The following CADPS2 variants were observed in gnomAD, a reference collection of about 807,000 sequenced individuals.
The protein encoded by CADPS2 is calcium dependent secretion activator 2.
In CADPS2, 93 loss-of-function variants were observed where a neutral mutation model predicts 172.5. The observed-to-expected ratio is 0.54, with a 90% confidence interval of 0.46 to 0.64. The LOEUF (loss-of-function observed/expected upper bound fraction) is 0.64. Ranked by LOEUF, CADPS2 falls within the 30% of genes least tolerant of loss-of-function variation. The probability of loss-of-function intolerance (pLI) is 0.00; values close to 1 mark genes in which losing one functional copy is unlikely to be tolerated. For missense variants in CADPS2, 1,420 were observed against 1,565.9 expected, an observed-to-expected ratio of 0.91 and a Z score of 1.57; for synonymous variants, 546 against 555.2, an observed-to-expected ratio of 0.98 and a Z score of 0.23.
chr7:122,704,744 G>T (rs1211813384), intron 2 of CADPS2, among the ~76,000 whole-genome samples: 2 of 151,946 alleles, frequency 1.3e-5, no homozygotes, highest in Non-Finnish European at 2.9e-5. Flanking sequence ...AGACCTATAA[G>T]AAACAATCAT....
chr7:122,804,485 A>C (rs1175438075), intron 1 of CADPS2, among the ~76,000 whole-genome samples: 1 of 152,248 alleles, frequency 6.6e-6, no homozygotes, highest in Non-Finnish European at 1.5e-5. Context: ...GTTTGGTTTA[A>C]AGACAGAAGA....
At chr7:122,679,950 C>G (rs1198539843) in intron 2 of CADPS2, among the ~76,000 whole-genome samples, 2 of 152,200 alleles carry the variant, frequency 1.3e-5, no homozygotes, top group Admixed American at 1.3e-4. Flanking sequence ...ATCATCTTTG[C>G]TTCCAAGTTA....
At chr7:122,335,099 T>C (rs2035635754) in intron 28 of CADPS2, among the ~76,000 whole-genome samples, 1 of 152,222 alleles carries the variant, frequency 6.6e-6, no homozygotes, top group South Asian at 2.1e-4. Context: ...AATCTCAACA[T>C]TTCCCACCAT....
chr7:122,583,660 G>A (rs896875661), intron 6 of CADPS2, among the ~76,000 whole-genome samples: 2 of 150,494 alleles, frequency 1.3e-5, no homozygotes, highest in Non-Finnish European at 3.0e-5. Flanking sequence ...TATATATGAA[G>A]GAGATATTGT....
intron 8 of CADPS2, among the ~76,000 whole-genome samples, chr7:122,532,814 AT>A (rs1245709558): frequency 6.6e-6 from 1 of 152,208 alleles, no homozygotes; most frequent in Non-Finnish European, 1.5e-5. Context: ...TTTAATGGAA[AT>A]AAACCAAAAT....
At chr7:122,412,859 G>T (rs1431790111) in intron 19 of CADPS2, 2 of 152,230 alleles carry the variant, frequency 1.3e-5, no homozygotes, top group African/African-American at 4.8e-5. Context: ...GAGAATGACA[G>T]AATGGAAAGG....
intron 8 of CADPS2, among the ~76,000 whole-genome samples, chr7:122,531,886 C>G (rs1563615150): frequency 6.6e-6 from 1 of 151,982 alleles, no homozygotes; most frequent in Non-Finnish European, 1.5e-5. Context: ...CAAAAATTAG[C>G]TGGGTGTGGT....
chr7:122,381,540 A>G (rs2151378102), intron 24 of CADPS2, among the ~76,000 whole-genome samples: 1 of 152,284 alleles, frequency 6.6e-6, no homozygotes, highest in Admixed American at 6.5e-5. Flanking sequence ...CAGAGCTTCT[A>G]CATGTTAAAC....
intron 20 of CADPS2, among the ~76,000 whole-genome samples, chr7:122,398,534 CA>C (rs2045467199): frequency 6.6e-6 from 1 of 152,072 alleles, no homozygotes; most frequent in African/African-American, 2.4e-5. Context: ...TGCCATAAAA[CA>C]ATTATTTAAG....
chr7:122,603,042 C>G (rs776590926), intron 6 of CADPS2, among the ~76,000 whole-genome samples: 1 of 152,028 alleles, frequency 6.6e-6, no homozygotes, highest in African/African-American at 2.4e-5. Context: ...GACGGCTACA[C>G]TTTAGCACAG....
At chr7:122,855,747 A>C (rs1815016671) in intron 1 of CADPS2, among the ~76,000 whole-genome samples, 1 of 152,156 alleles carries the variant, frequency 6.6e-6, no homozygotes, top group Non-Finnish European at 1.5e-5. Context: ...AGCCCTGACA[A>C]CTTCTTTTAA....
At chr7:122,805,649 G>A (rs1798637413) in intron 1 of CADPS2, among the ~76,000 whole-genome samples, 1 of 151,992 alleles carries the variant, frequency 6.6e-6, no homozygotes, top group Non-Finnish European at 1.5e-5. Flanking sequence ...ACCATTCCTG[G>A]TTATGAGTCA....
At position 122,505,963 on chromosome 7, in the gene CADPS2, G is replaced by A. The variant is rs192977585; in HGVS notation, c.1542+7286C>T. ...GTGTTCCTGAATAGTACTAACACCT[G>A]TAGCTGCTGGTTTACTAGCCAGTTA... On this transcript the variant is annotated intron_variant, in intron 9 of 29. Coordinates refer to ENST00000449022, the MANE Select transcript of CADPS2 (RefSeq NM_017954.11). 1.2e-3 allele frequency among the ~76,000 whole-genome samples: 182 copies of A among 152,294 alleles called. 3 individuals are homozygous for A. Among genetic ancestry groups the A allele is most frequent in the Admixed American group, 0.011 (165 of 15,306 alleles).
At chr7:122,661,252 T>C (rs952682922) in intron 3 of CADPS2, among the ~76,000 whole-genome samples, 49 of 152,186 alleles carry the variant, frequency 3.2e-4, no homozygotes, top group Non-Finnish European at 5.9e-5. Context: ...TGCTATTTTT[T>C]ATTGTTGTTC....
intron 15 of CADPS2, among the ~76,000 whole-genome samples, chr7:122,450,714 T>A (rs2052977573): frequency 6.6e-6 from 1 of 151,708 alleles, no homozygotes; most frequent in South Asian, 2.1e-4. Flanking sequence ...TTTGTATTTT[T>A]TATAGAGATG....
intron 9 of CADPS2, among the ~76,000 whole-genome samples, chr7:122,499,935 T>C (rs1293453899): frequency 6.6e-6 from 1 of 152,168 alleles, no homozygotes; most frequent in Non-Finnish European, 1.5e-5. Flanking sequence ...ATGAACAATC[T>C]GGAACCTGCT....
chr7:122,732,556 T>C (rs1366181694), intron 2 of CADPS2, among the ~76,000 whole-genome samples: 2 of 149,346 alleles, frequency 1.3e-5, no homozygotes, highest in South Asian at 2.1e-4. Flanking sequence ...CATATATATA[T>C]TGTTGAAGAA....
intron 1 of CADPS2, among the ~76,000 whole-genome samples, chr7:122,765,393 G>A (rs1271615782): frequency 6.6e-6 from 1 of 152,090 alleles, no homozygotes; most frequent in Non-Finnish European, 1.5e-5. Context: ...CCATCATCCA[G>A]AACAGTGCCC....
At chr7:122,866,907 C>G (rs1818458210) in intron 1 of CADPS2, among the ~76,000 whole-genome samples, 1 of 152,196 alleles carries the variant, frequency 6.6e-6, no homozygotes, top group African/African-American at 2.4e-5. Context: ...GCATACCTCT[C>G]CAGATGCAAT....
Sources: allele counts gnomAD v4.1 joint callset (sites outside exome capture counted in the v4.1 genomes callset), GRCh38; gene constraint gnomAD v4.1.1; transcripts MANE v1.5; gene names NCBI Gene and HGNC (gene_info 2026-07-23, HGNC 2026-07-21).